The following LAMP3 variants were observed in gnomAD, a reference collection of about 807,000 sequenced individuals.
LAMP3 encodes lysosome associated membrane protein 3, also known as lysosome-associated membrane glycoprotein 3.
A neutral mutation model predicts 34.8 loss-of-function variants in LAMP3; 26 were observed. That is an observed-to-expected ratio of 0.75 (90% confidence interval 0.55 to 1.04). LAMP3 has a LOEUF of 1.04. Among genes scored for constraint, LAMP3 ranks in the 50% least tolerant of loss-of-function variants. The probability of loss-of-function intolerance (pLI) is 0.00; values close to 1 mark genes in which losing one functional copy is unlikely to be tolerated. For synonymous variants in LAMP3, 180 were observed against 201.9 expected (o/e 0.89, Z 0.92); for missense variants, 495 against 524.0 (o/e 0.94, Z 0.54).
At chr3:183,136,600 G>A (rs1385343688) in intron 4 of LAMP3, among the ~76,000 whole-genome samples, 6 of 140,592 alleles carry the variant, frequency 4.3e-5, no homozygotes, top group Non-Finnish European at 9.2e-5. Flanking sequence ...GTGTTGAGCC[G>A]AGATTGTGCC....
intron 5 of LAMP3, among the ~76,000 whole-genome samples, chr3:183,124,693 G>A (rs538336566): frequency 7.9e-5 from 12 of 152,128 alleles, no homozygotes; most frequent in South Asian, 2.1e-4. Context: ...TTAGCCGGGC[G>A]TGGTGGCACA....
At chr3:183,140,187 G>A (rs536880416) in intron 4 of LAMP3, among the ~76,000 whole-genome samples, 21 of 152,118 alleles carry the variant, frequency 1.4e-4, no homozygotes, top group African/African-American at 3.9e-4. Context: ...TGGGTGGATC[G>A]CCTGAGGTCA....
Position 183,153,937 on chromosome 3 carries a change from A to G in LAMP3, c.504T>C (p.Leu168=). The G allele has an allele frequency of 6.2e-7, 1 of 1,614,138 alleles. No individual in the cohort carries two copies. The highest frequency in any genetic ancestry group is 8.5e-7 in the Non-Finnish European group (1 of 1,180,020). Residue 168 remains leucine, a synonymous_variant, in exon 2 of 6, where the codon CTT becomes CTC. Coordinates refer to ENST00000265598, the MANE Select transcript of LAMP3 (RefSeq NM_014398.4). ...GCAGTGCTATCGATAAAGTTGCTGGAAGGGTGGTCTGGTTACTGGGTTGAG... is the reference window on the plus strand; with the variant it reads ...GCAGTGCTATCGATAAAGTTGCTGGGAGGGTGGTCTGGTTACTGGGTTGAG... ...NTTQPSNQTT[L]PATLSIALHK...
chr3:183,128,147 C>CAA (rs56282591), intron 5 of LAMP3, among the ~76,000 whole-genome samples: 1,880 of 126,522 alleles, frequency 0.015, 35 homozygotes, highest in Non-Finnish European at 0.019. Context: ...CACTCCATCT[C>CAA]AAAAAAAAAA....
chr3:183,127,181 C>CT (rs1719800049), intron 5 of LAMP3, among the ~76,000 whole-genome samples: 1 of 152,108 alleles, frequency 6.6e-6, no homozygotes, highest in Non-Finnish European at 1.5e-5. Context: ...GTTGCCCAGG[C>CT]TGGGGGGCAG....
intron 3 of LAMP3, among the ~76,000 whole-genome samples, chr3:183,145,013 G>A (rs1720398350): frequency 1.3e-5 from 2 of 152,222 alleles, no homozygotes; most frequent in African/African-American, 4.8e-5. Context: ...CTCTCTTGAT[G>A]GTTGATTTCA....
In LAMP3 at chr3:183,153,955, G is replaced by A. The variant is rs1720742378; in HGVS notation, c.486C>T (p.Pro162=). Residue 162 remains proline, a synonymous_variant, in exon 2 of 6, where the codon CCC becomes CCT. Coordinates refer to ENST00000265598, the MANE Select transcript of LAMP3 (RefSeq NM_014398.4). ...VSHTTGNTTQ[P]SNQTTLPATL... is the part of the protein sequence containing the mutation. ...TTGCTGGAAGGGTGGTCTGGTTACT[G>A]GGTTGAGTGGTGTTCCCAGTTGTGT... is the stretch of plus-strand genomic sequence containing the variant. 6.2e-7 allele frequency: 1 copy of A among 1,614,098 alleles called. No homozygotes were observed. Among genetic ancestry groups the A allele is most frequent in the African/African-American group, 1.3e-5 (1 of 74,928 alleles).
chr3:183,161,158 A>G (rs1720964798), intron 1 of LAMP3, among the ~76,000 whole-genome samples: 1 of 152,126 alleles, frequency 6.6e-6, no homozygotes, highest in Non-Finnish European at 1.5e-5. Context: ...GGAACTGAGC[A>G]CCCGAAAGGT....
At chr3:183,126,563 TGC>T (rs1491062574) in intron 5 of LAMP3, among the ~76,000 whole-genome samples, 1 of 149,056 alleles carries the variant, frequency 6.7e-6, no homozygotes, top group African/African-American at 2.5e-5. Flanking sequence ...TGTGTGTGTG[TGC>T]ACACGTGTGC....
intron 1 of LAMP3, among the ~76,000 whole-genome samples, chr3:183,156,004 A>G (rs1031827429): frequency 6.6e-6 from 1 of 152,186 alleles, no homozygotes; most frequent in Non-Finnish European, 1.5e-5. Context: ...GTTCTTTTCC[A>G]ACTAGAACAG....
In LAMP3 at chr3:183,138,180, A is replaced by C. The variant is rs145801523; in HGVS notation, c.947-2293T>G. On this transcript the variant is annotated intron_variant, in intron 4 of 5. Coordinates refer to ENST00000265598, the MANE Select transcript of LAMP3 (RefSeq NM_014398.4). Reference sequence around the variant, plus strand: ...GCTGGCTAAAATCTGGTCCATATCTAGTGATAACATTAGCAAATTTATGTT... The same window carrying C: ...GCTGGCTAAAATCTGGTCCATATCTCGTGATAACATTAGCAAATTTATGTT... Among the ~76,000 whole-genome samples, 157 of 152,284 alleles carry C rather than the reference A, an allele frequency of 1.0e-3. 1 individual carries two copies. Among genetic ancestry groups the C allele is most frequent in the African/African-American group, 3.6e-3 (150 of 41,568 alleles).
intron 5 of LAMP3, among the ~76,000 whole-genome samples, chr3:183,127,836 A>C (rs1401116768): frequency 6.6e-6 from 1 of 152,054 alleles, no homozygotes; most frequent in Non-Finnish European, 1.5e-5. Context: ...TAGTCTTTAA[A>C]ATGTGTTCTG....
intron 3 of LAMP3, among the ~76,000 whole-genome samples, chr3:183,150,530 TTA>T (rs1720596480): frequency 6.6e-6 from 1 of 151,694 alleles, no homozygotes; most frequent in Non-Finnish European, 1.5e-5. Context: ...GCATAAATGT[TTA>T]TGTCTGTATC....
chr3:183,127,958 C>A (rs1041783164), intron 5 of LAMP3, among the ~76,000 whole-genome samples: 2 of 151,794 alleles, frequency 1.3e-5, no homozygotes, highest in African/African-American at 4.8e-5. Context: ...AGTGAAACCC[C>A]GTCTCTACTA....
rs756715776 is a variant in LAMP3 at position 183,153,930 on chromosome 3, T to C, written c.511A>G (p.Thr171Ala). 16 of 1,614,038 alleles carry C rather than the reference T, an allele frequency of 9.9e-6. No individual in the cohort carries two copies. The highest frequency in any genetic ancestry group is 1.4e-5 in the Non-Finnish European group (16 of 1,180,022). ...CTTTTGTGCAGTGCTATCGATAAAG[T>C]TGCTGGAAGGGTGGTCTGGTTACTG... is the stretch of plus-strand genomic sequence containing the variant. ...QPSNQTTLPA[T>A]LSIALHKSTT... is the part of the protein sequence containing the mutation. The change falls in exon 2 of 6, where the codon ACT (threonine) becomes GCT (alanine). Residue 171 changes from threonine (T) to alanine (A), a missense_variant. Physicochemically the swap from Thr to Ala is moderately conservative, Grantham distance 58. Coordinates refer to ENST00000265598, the MANE Select transcript of LAMP3 (RefSeq NM_014398.4).
intron 5 of LAMP3, among the ~76,000 whole-genome samples, chr3:183,126,563 T>C (rs677952): frequency 0.56 from 84,154 of 149,070 alleles, 27,603 homozygotes; most frequent in Non-Finnish European, 0.74. Context: ...TGTGTGTGTG[T>C]GCACACGTGT....
In LAMP3 at chr3:183,153,794, A is replaced by C; in HGVS notation, c.647T>G (p.Leu216Arg). 6.3e-7 allele frequency: 1 copy of C among 1,587,890 alleles called. No homozygotes were observed. The highest frequency in any genetic ancestry group is 8.6e-7 in the Non-Finnish European group (1 of 1,166,962). ...CTTGACTGACGATGGCTGAGGTGCA[A>C]GGGTGGGCCCAGGAACCGTGGAGGC... Reference protein sequence around the residue: ...APASTVPGPTLAPQPSSVKTG... With the variant: ...APASTVPGPTRAPQPSSVKTG... The change falls in exon 2 of 6, where the codon CTT becomes CGT. Residue 216 changes from leucine (L) to arginine (R), a missense_variant. Physicochemically the swap from Leu to Arg is moderately radical, Grantham distance 102 (BLOSUM62 -2). Transcript: ENST00000265598.
chr3:183,161,870 G>A (rs1560319062), intron 1 of LAMP3: 1 of 631,384 alleles, frequency 1.6e-6, no homozygotes, highest in Non-Finnish European at 2.0e-6. Context: ...GTGAAAGTGT[G>A]GCGCAGGGGA....
intron 5 of LAMP3, chr3:183,132,280 A>G (rs1234595680): frequency 2.1e-6 from 2 of 934,734 alleles, no homozygotes; most frequent in Non-Finnish European, 2.6e-6. Context: ...AGAGTAGGAT[A>G]TGTTTTTTTA....
Sources: allele counts gnomAD v4.1 joint callset (sites outside exome capture counted in the v4.1 genomes callset), GRCh38; gene constraint gnomAD v4.1.1; transcripts MANE v1.5; gene names NCBI Gene and HGNC (gene_info 2026-07-23, HGNC 2026-07-21).